The following FLYWCH1 variants were observed in gnomAD, a reference collection of about 807,000 sequenced individuals.
FLYWCH1 encodes FLYWCH-type zinc finger-containing protein 1.
Under a neutral mutation model 66.4 loss-of-function variants are expected in FLYWCH1, and 75 were observed. The ratio of observed to expected loss-of-function variants is 1.13; its 90% CI spans 0.94 to 1.37. The LOEUF (loss-of-function observed/expected upper bound fraction) is 1.37, where lower values mean the gene tolerates loss of function less well. Among genes scored for constraint, FLYWCH1 ranks in the 40% most tolerant of loss-of-function variants. The pLI is 0.00. For missense variants in FLYWCH1, 1,334 were observed against 1,001.8 expected, an observed-to-expected ratio of 1.33 and a Z score of -4.48; for synonymous variants, 595 against 429.9, an observed-to-expected ratio of 1.38 and a Z score of -4.75.
In FLYWCH1 at chr16:2,930,825, C is replaced by G. The variant is rs766369534; in HGVS notation, c.741C>G (p.Pro247=). 18 of 1,602,784 alleles carry G rather than the reference C, an allele frequency of 1.1e-5. No individual in the cohort carries two copies. Among genetic ancestry groups the G allele is most frequent in the Admixed American group, 6.7e-5 (4 of 59,358 alleles). ...CGGCCCTGGAGGAGGAGGAGGCACC[C>G]CGAGCCCTGTCACTGCTGAGCCTGC... ...SKPALEEEEA[P]RALSLLSLPP... Residue 247 remains proline (P), a synonymous_variant, in exon 4 of 10, where the codon CCC becomes CCG. Coordinates refer to ENST00000253928, the MANE Select transcript of FLYWCH1 (RefSeq NM_001308068.2).
intron 4 of FLYWCH1, among the ~76,000 whole-genome samples, chr16:2,931,401 A>G (rs2070758743): frequency 6.6e-6 from 1 of 151,606 alleles, no homozygotes; most frequent in Non-Finnish European, 1.5e-5. Context: ...GGGCAGGAGG[A>G]TCACTTGAGC....
intron 2 of FLYWCH1, among the ~76,000 whole-genome samples, chr16:2,927,202 C>T (rs973108242): frequency 1.3e-5 from 2 of 152,092 alleles, no homozygotes; most frequent in African/African-American, 4.8e-5. Flanking sequence ...CCTCAGCCGC[C>T]CACTATGAGA....
At chr16:2,933,621 G>T (rs1178049647) in intron 5 of FLYWCH1, 39 bp downstream of exon 5, 4 of 1,564,610 alleles carry the variant, frequency 2.6e-6, no homozygotes, top group South Asian at 2.4e-5. Flanking sequence ...GCCCTGCCTT[G>T]ACTCTTGCCT....
At chr16:2,918,398 T>C (rs550774959) in intron 2 of FLYWCH1, among the ~76,000 whole-genome samples, 182 of 151,324 alleles carry the variant, frequency 1.2e-3, no homozygotes, top group Non-Finnish European at 4.6e-4. Flanking sequence ...CCGCCTGCCT[T>C]GGCCTTCTAA....
At chr16:2,917,670 G>A (rs1237616155) in intron 2 of FLYWCH1, among the ~76,000 whole-genome samples, 1 of 152,180 alleles carries the variant, frequency 6.6e-6, no homozygotes, top group Non-Finnish European at 1.5e-5. Flanking sequence ...TCGCTTAGCT[G>A]CAGTCTTCTG....
At chr16:2,946,839 G>C (rs1284528536) in intron 9 of FLYWCH1, among the ~76,000 whole-genome samples, 6 of 152,088 alleles carry the variant, frequency 3.9e-5, no homozygotes, top group African/African-American at 1.4e-4. Context: ...TATTTAAAAA[G>C]ACAGCTAACA....
intron 2 of FLYWCH1, chr16:2,923,019 G>C: frequency 2.2e-6 from 1 of 461,122 alleles, no homozygotes; most frequent in South Asian, 1.6e-5. Context: ...TTTTTTTGGG[G>C]GGGCTGTTGT....
intron 9 of FLYWCH1, among the ~76,000 whole-genome samples, chr16:2,948,390 C>T (rs1051305258): frequency 6.6e-6 from 1 of 151,738 alleles, no homozygotes; most frequent in African/African-American, 2.4e-5. Flanking sequence ...GAAACCCCGT[C>T]TCTAATAAAA....
At chr16:2,924,857 A>G (rs1009442525) in intron 2 of FLYWCH1, among the ~76,000 whole-genome samples, 1 of 152,216 alleles carries the variant, frequency 6.6e-6, no homozygotes, top group Non-Finnish European at 1.5e-5. Flanking sequence ...AACTTTTTCC[A>G]GATCTGTTGA....
In FLYWCH1 at chr16:2,948,895, A is replaced by G. The variant is rs928818298; in HGVS notation, c.*168A>G. ...GAGGTCTCCCAGGAGGAATTCTTGG[A>G]TGGTGTCCTCATGTCGGCGGAGAAC... is the stretch of plus-strand genomic sequence containing the variant. On this transcript the variant is annotated 3_prime_UTR_variant, in exon 10 of 10. Coordinates refer to ENST00000253928, the MANE Select transcript of FLYWCH1 (RefSeq NM_001308068.2). 3 of 619,694 alleles carry G rather than the reference A, an allele frequency of 4.8e-6. No homozygotes were observed. In the African/African-American group the frequency reaches 5.5e-5, roughly 11 times the overall value. 38.4% of individuals were successfully genotyped at this position (619,694 alleles called of 1,614,324 possible).
chr16:2,936,775 C>T, intron 6 of FLYWCH1: 1 of 512,796 alleles, frequency 2.0e-6, no homozygotes, highest in South Asian at 1.5e-5. Flanking sequence ...CCGGGTCATT[C>T]CTCTGACCAA....
In FLYWCH1 at chr16:2,933,472, C is replaced by T; in HGVS notation, c.1139C>T (p.Pro380Leu). Reference protein sequence around the residue: ...DSLLYRRGPGPLTLTRPRPRK... With the variant: ...DSLLYRRGPGLLTLTRPRPRK... Reference sequence around the variant, plus strand: ...TTGCTCTACCGCAGGGGTCCGGGTCCCCTGACTCTCACCAGGCCTCGGCCC... The same window carrying T: ...TTGCTCTACCGCAGGGGTCCGGGTCTCCTGACTCTCACCAGGCCTCGGCCC... The change falls in exon 5 of 10, where the codon CCC becomes CTC. Residue 380 changes from proline (P) to leucine (L), a missense_variant. Transcript: ENST00000253928. 6.2e-7 allele frequency: 1 copy of T among 1,604,742 alleles called. No homozygotes were observed. Among genetic ancestry groups the T allele is most frequent in the Non-Finnish European group, 8.5e-7 (1 of 1,176,260 alleles).
chr16:2,927,837 C>T (rs1294094932), intron 2 of FLYWCH1, among the ~76,000 whole-genome samples: 7 of 152,212 alleles, frequency 4.6e-5, no homozygotes, highest in Admixed American at 1.3e-4. Flanking sequence ...ATATAGAAAA[C>T]AGTGGGCCCA....
intron 4 of FLYWCH1, among the ~76,000 whole-genome samples, chr16:2,931,305 TAAAA>T (rs150704073): frequency 2.6e-4 from 23 of 87,466 alleles, no homozygotes; most frequent in South Asian, 3.8e-4. Flanking sequence ...TCCATCTCAG[TAAAA>T]AAAAAAAAAA....
chr16:2,948,576 C>G lies in FLYWCH1; in HGVS notation c.2112-112C>G. The stretch of plus-strand genomic sequence containing the variant: ...AGATTCCGTCTCAAAAATAAATGTT[C>G]TAGACTGTGGCATCCCCAGGAAAAA... On this transcript the variant is annotated intron_variant, in intron 9 of 9. Transcript: ENST00000253928. The G allele has an allele frequency of 2.7e-6, 3 of 1,121,146 alleles. No individual in the cohort carries two copies. In the South Asian group the frequency reaches 4.0e-5, roughly 15 times the overall value. The allele number at this position is 1,121,146 out of a possible 1,614,324, so 69.4% of individuals were successfully genotyped here.
At chr16:2,920,545 C>T (rs1385887213) in intron 2 of FLYWCH1, among the ~76,000 whole-genome samples, 2 of 151,510 alleles carry the variant, frequency 1.3e-5, no homozygotes, top group African/African-American at 2.4e-5. Flanking sequence ...CACCAAGAGA[C>T]CCTTGGAATC....
intron 9 of FLYWCH1, among the ~76,000 whole-genome samples, chr16:2,940,785 T>G (rs1167488432): frequency 6.6e-6 from 1 of 152,212 alleles, no homozygotes; most frequent in Admixed American, 6.5e-5. Flanking sequence ...GAACATACTT[T>G]GTATCATTTC....
intron 2 of FLYWCH1, among the ~76,000 whole-genome samples, chr16:2,923,710 A>G (rs563919904): frequency 6.6e-6 from 1 of 152,224 alleles, no homozygotes; most frequent in South Asian, 2.1e-4. Flanking sequence ...TATGTCAGAT[A>G]TTTCATAACC....
intron 8 of FLYWCH1, among the ~76,000 whole-genome samples, chr16:2,939,080 A>G (rs189224288): frequency 6.6e-6 from 1 of 152,156 alleles, no homozygotes; most frequent in East Asian, 1.9e-4. Flanking sequence ...GCCAAAACCA[A>G]TCTTTAGAAA....
Sources: allele counts gnomAD v4.1 joint callset (sites outside exome capture counted in the v4.1 genomes callset), GRCh38; gene constraint gnomAD v4.1.1; transcripts MANE v1.5; gene names NCBI Gene and HGNC (gene_info 2026-07-23, HGNC 2026-07-21).